ZC3H12A: variants seen among roughly 807,000 people sequenced by gnomAD.
ZC3H12A encodes endoribonuclease ZC3H12A.
ZC3H12A carries 9 observed loss-of-function variants against 29.9 expected under a neutral mutation model. The ratio of observed to expected loss-of-function variants is 0.30; its 90% CI spans 0.18 to 0.53. The LOEUF (loss-of-function observed/expected upper bound fraction) is 0.53. ZC3H12A is among the 20% of genes least tolerant of loss of function. ZC3H12A has a pLI of 0.96. For synonymous variants in ZC3H12A, 323 were observed against 338.1 expected, an observed-to-expected ratio of 0.96 and a Z score of 0.49; for missense variants, 617 against 799.0, an observed-to-expected ratio of 0.77 and a Z score of 2.75.
rs1401149132 is a variant in ZC3H12A, at chr1:37,483,860, G to A, written c.*249G>A. 1 of 492,482 alleles carries A rather than the reference G, an allele frequency of 2.0e-6. No individual in the cohort carries two copies. Among genetic ancestry groups the A allele is most frequent in the African/African-American group, 1.9e-5 (1 of 52,394 alleles). The allele number at this position is 492,482 out of a possible 1,614,324, so 30.5% of individuals were successfully genotyped here. ...CCCTGTTGATACACATTGTATCTCT[G>A]TAGTTTAAGGAGACGCTGCCGGTAA... On this transcript the variant is annotated 3_prime_UTR_variant, in exon 6 of 6. Transcript: ENST00000373087.
At position 37,483,733 on chromosome 1, in the gene ZC3H12A, A is replaced by G. The variant is rs1344136063; in HGVS notation, c.*122A>G. Reference sequence around the variant, plus strand: ...ACCCCAGAGGCTGGACAGAGGGAGGATTCAAGTCGGGAAGGAAACCCACAA... The same window carrying G: ...ACCCCAGAGGCTGGACAGAGGGAGGGTTCAAGTCGGGAAGGAAACCCACAA... On this transcript the variant is annotated 3_prime_UTR_variant, in exon 6 of 6. Coordinates refer to ENST00000373087, the MANE Select transcript of ZC3H12A (RefSeq NM_025079.3). 3 of 1,319,308 alleles carry G rather than the reference A, an allele frequency of 2.3e-6. No homozygotes were observed. 81.7% of individuals were successfully genotyped at this position (1,319,308 alleles called of 1,614,324 possible).
At chr1:37,474,956 G>T (rs1347650171) in intron 1 of ZC3H12A, among the ~76,000 whole-genome samples, 2 of 152,220 alleles carry the variant, frequency 1.3e-5, no homozygotes, top group Non-Finnish European at 2.9e-5. Flanking sequence ...CTCCCCACGG[G>T]TCACCCCAGA....
Position 37,478,803 on chromosome 1 carries a change from T to C in ZC3H12A, c.444-1487T>C, listed in dbSNP as rs1641642608. ...TTGCTGATGATTCAGTGTTAGACAC[T>C]TATAACAGGGCCTGGTTCACAGCTC... On this transcript the variant is annotated intron_variant, in intron 2 of 5. Coordinates refer to ENST00000373087, the MANE Select transcript of ZC3H12A (RefSeq NM_025079.3). This position sits in a 1 kb window ranked among gnomAD's most constrained non-coding sequence, Gnocchi z 5.2. The C allele has an allele frequency of 1.0e-6, 1 of 979,924 alleles. No individual in the cohort carries two copies. The highest frequency in any genetic ancestry group is 1.2e-6 in the Non-Finnish European group (1 of 825,028). 60.7% of individuals were successfully genotyped at this position (979,924 alleles called of 1,614,324 possible). A position where few individuals can be genotyped will look rare whatever the true frequency, so the allele number is the denominator to read the frequency against.
rs546833182 is a variant in ZC3H12A, at chr1:37,479,777, C to T, written c.444-513C>T. ...CTGGTTTCTCCTCGGTCAGCCCAGC[C>T]GGTGCTTCCCCCGCCCCCACCCACG... On this transcript the variant is annotated intron_variant, in intron 2 of 5. Transcript: ENST00000373087. This position sits in a 1 kb window ranked among gnomAD's most constrained non-coding sequence, Gnocchi z 4.5. The T allele has an allele frequency of 1.5e-5, 15 of 985,424 alleles. No individual in the cohort carries two copies. In the Admixed American group the frequency reaches 2.5e-4, roughly 16 times the overall value. The allele number at this position is 985,424 out of a possible 1,614,324, so 61.0% of individuals were successfully genotyped here.
At chr1:37,482,599 T>C (rs970171088) in intron 5 of ZC3H12A, 59 bp downstream of exon 5, 10 of 1,609,468 alleles carry the variant, frequency 6.2e-6, no homozygotes, top group Admixed American at 5.0e-5. Context: ...CTCTCACCTG[T>C]CTGCCTGTGC....
At position 37,475,180 on chromosome 1, in the gene ZC3H12A, G is replaced by T. The variant is rs183999551; in HGVS notation, c.-38-279G>T. Among the ~76,000 whole-genome samples, 3 of 152,206 alleles carry T rather than the reference G, an allele frequency of 2.0e-5. No individual in the cohort carries two copies. Among genetic ancestry groups the T allele is most frequent in the South Asian group, 4.1e-4 (2 of 4,828 alleles). On this transcript the variant is annotated intron_variant, in intron 1 of 5. Transcript: ENST00000373087. The surrounding 1 kb of genome is among the most constrained non-coding windows in gnomAD (Gnocchi z 5.2). ...GTGGGGGTTCGAGGCTTTACAGCTG[G>T]GGTAGTTCCAGTCTTAGTTCAGACT...
At position 37,482,701 on chromosome 1, in the gene ZC3H12A, G is replaced by A. The variant is rs534719043; in HGVS notation, c.926-36G>A. 3.9e-5 allele frequency: 63 copies of A among 1,612,594 alleles called. 1 individual carries two copies. The South Asian group carries it at 5.7e-4, about 15-fold the overall frequency. On this transcript the variant is annotated intron_variant, in intron 5 of 5. Coordinates refer to ENST00000373087, the MANE Select transcript of ZC3H12A (RefSeq NM_025079.3). The stretch of plus-strand genomic sequence containing the variant: ...CTGCTCTCATCCCTGGTTCTGAAGT[G>A]CCCCTGCTTAGAGTCCCTCTTGATT...
In ZC3H12A at chr1:37,483,036, G is replaced by C. The variant is rs201031728; in HGVS notation, c.1225G>C (p.Gly409Arg). The C allele has an allele frequency of 3.1e-6, 5 of 1,606,990 alleles. No homozygotes were observed. The highest frequency in any genetic ancestry group is 4.2e-6 in the Non-Finnish European group (5 of 1,177,020). Residue 409 changes from glycine to arginine, a missense_variant, in exon 6 of 6, where the codon GGG (glycine) becomes CGG (arginine). Around this residue, in one of 5 missense-constraint regions of ZC3H12A, gnomAD observed 115 missense variants for 112.5 expected, o/e 1.02. Transcript: ENST00000373087. ...APSGRSLAPS[G>R]GSGSSFGPTD... ...ATCAGGCAGGAGCCTCGCACCTAGC[G>C]GGGGCAGTGGCAGCAGCTTTGGGCC...
chr1:37,483,228 C>A lies in ZC3H12A; in HGVS notation c.1417C>A (p.Pro473Thr). The A allele has an allele frequency of 6.2e-7, 1 of 1,613,804 alleles. No homozygotes were observed. Among genetic ancestry groups the A allele is most frequent in the Non-Finnish European group, 8.5e-7 (1 of 1,179,934 alleles). The change falls in exon 6 of 6, where the codon CCC (proline) becomes ACC (threonine). Residue 473 changes from proline to threonine, a missense_variant. Around this residue, in one of 5 missense-constraint regions of ZC3H12A, gnomAD observed 172 missense variants for 203.1 expected, o/e 0.85. Coordinates refer to ENST00000373087, the MANE Select transcript of ZC3H12A (RefSeq NM_025079.3). Reference protein sequence around the residue: ...PPRAPYTGYSPYGSELPATAA... With the variant: ...PPRAPYTGYSTYGSELPATAA... ...CCGAGCCCCTTACACGGGCTACAGT[C>A]CCTATGGATCTGAGCTCCCAGCCAC...
Position 37,482,507 on chromosome 1 carries a change from A to G in ZC3H12A, c.892A>G (p.Thr298Ala). ...CAACTTCCTGCGTAAGAAGCCACTC[A>G]CTTTGGAGCACAGGAAGCAGCCGTG... ...LDNFLRKKPL[T>A]LEHRKQPCPY... Residue 298 changes from threonine to alanine, a missense_variant, in exon 5 of 6, where the codon ACT (threonine) becomes GCT (alanine). Transcript: ENST00000373087. 1 of 1,613,850 alleles carries G rather than the reference A, an allele frequency of 6.2e-7. No individual in the cohort carries two copies. The highest frequency in any genetic ancestry group is 8.5e-7 in the Non-Finnish European group (1 of 1,179,946).
At position 37,479,019 on chromosome 1, in the gene ZC3H12A, T is replaced by C; in HGVS notation, c.444-1271T>C. On this transcript the variant is annotated intron_variant, in intron 2 of 5. Coordinates refer to ENST00000373087, the MANE Select transcript of ZC3H12A (RefSeq NM_025079.3). This position sits in a 1 kb window ranked among gnomAD's most constrained non-coding sequence, Gnocchi z 4.5. ...CCCCACCTCCCTCCCTAGCTTCTCT[T>C]AGGGCTCCAGCTATCACCCCTTACC... 1 of 985,212 alleles carries C rather than the reference T, an allele frequency of 1.0e-6. No homozygotes were observed. The highest frequency in any genetic ancestry group is 4.7e-5 in the South Asian group (1 of 21,268). 61.0% of individuals were successfully genotyped at this position (985,212 alleles called of 1,614,324 possible). A position where few individuals can be genotyped will look rare whatever the true frequency, so the allele number is the denominator to read the frequency against.
Position 37,483,365 on chromosome 1 carries a change from A to G in ZC3H12A, c.1554A>G (p.Pro518=). The part of the protein sequence containing the change: ...AFPPREYWSE[P]YPLPPPTSVL... ...CACCTCGAGAGTACTGGTCTGAACC[A>G]TACCCACTGCCCCCACCCACATCAG... The change falls in exon 6 of 6, where the codon CCA becomes CCG. Residue 518 remains proline, a synonymous_variant. Coordinates refer to ENST00000373087, the MANE Select transcript of ZC3H12A (RefSeq NM_025079.3). The G allele has an allele frequency of 1.2e-6, 2 of 1,614,054 alleles. No homozygotes were observed. Among genetic ancestry groups the G allele is most frequent in the Non-Finnish European group, 1.7e-6 (2 of 1,179,984 alleles).
At chr1:37,477,478 CGGCCACCCCCCCTCCCCAG>C (rs1557593019) in intron 2 of ZC3H12A, among the ~76,000 whole-genome samples, 1 of 152,120 alleles carries the variant, frequency 6.6e-6, no homozygotes, top group Non-Finnish European at 1.5e-5. Flanking sequence ...GGTTCCTGCC[CGGCCACCCCCCCTCCCCAG>C]GGGCAGGCGG....
intron 5 of ZC3H12A, 53 bp from the exon 6 acceptor site, chr1:37,482,684 A>C: frequency 6.2e-7 from 1 of 1,611,920 alleles, no homozygotes; most frequent in Non-Finnish European, 8.5e-7. Context: ...CCCTGCTCTC[A>C]TCCCTGGTTC....
chr1:37,483,243 C>A lies in ZC3H12A; in HGVS notation c.1432C>A (p.Leu478Ile), dbSNP rs748650057. 1 of 1,613,916 alleles carries A rather than the reference C, an allele frequency of 6.2e-7. No individual in the cohort carries two copies. Among genetic ancestry groups the A allele is most frequent in the Non-Finnish European group, 8.5e-7 (1 of 1,179,978 alleles). ...GGGCTACAGTCCCTATGGATCTGAG[C>A]TCCCAGCCACCGCAGCCTTCTCTGC... ...YTGYSPYGSE[L>I]PATAAFSAFG... Residue 478 changes from leucine (L) to isoleucine (I), a missense_variant, in exon 6 of 6, where the codon CTC (leucine) becomes ATC (isoleucine). Around this residue, in one of 5 missense-constraint regions of ZC3H12A, gnomAD observed 172 missense variants for 203.1 expected, o/e 0.85. Coordinates refer to ENST00000373087, the MANE Select transcript of ZC3H12A (RefSeq NM_025079.3).
intron 3 of ZC3H12A, 89 bp downstream of exon 3, chr1:37,480,518 C>A: frequency 6.8e-7 from 1 of 1,468,972 alleles, no homozygotes; most frequent in Non-Finnish European, 9.1e-7. Flanking sequence ...TGACCTACAA[C>A]TTCTAGAACT....
chr1:37,482,188 C>T (rs777042345), intron 4 of ZC3H12A, among the ~76,000 whole-genome samples: 18 of 152,188 alleles, frequency 1.2e-4, no homozygotes, highest in Non-Finnish European at 2.1e-4. Context: ...TGCCATCCCC[C>T]GACGACCTCA....
rs770500354 is a variant in ZC3H12A at position 37,475,783 on chromosome 1, G to A, written c.287G>A (p.Arg96His). 5.6e-6 allele frequency: 9 copies of A among 1,613,108 alleles called. No individual in the cohort carries two copies. Among genetic ancestry groups the A allele is most frequent in the African/African-American group, 1.3e-5 (1 of 74,904 alleles). The change falls in exon 2 of 6, where the codon CGC becomes CAC. Residue 96 changes from arginine (R) to histidine (H), a missense_variant. Arg to His is a conservative substitution (Grantham distance 29). Coordinates refer to ENST00000373087, the MANE Select transcript of ZC3H12A (RefSeq NM_025079.3). The surrounding 1 kb of genome is among the most constrained non-coding windows in gnomAD (Gnocchi z 5.2). Reference sequence around the variant, plus strand: ...CACGGGACAGCCACCGAGCGGGAGCGCCAGACCTCACCGGACCCCTGCCCT... The same window carrying A: ...CACGGGACAGCCACCGAGCGGGAGCACCAGACCTCACCGGACCCCTGCCCT... ...VKHGTATERE[R>H]QTSPDPCPQL...
chr1:37,477,105 G>T (rs1443742057), intron 2 of ZC3H12A, among the ~76,000 whole-genome samples: 2 of 152,200 alleles, frequency 1.3e-5, no homozygotes, highest in East Asian at 3.9e-4. Context: ...AGCCTGGATG[G>T]GAGGCTGAGA....
Sources: allele counts gnomAD v4.1 joint callset (sites outside exome capture counted in the v4.1 genomes callset), GRCh38; gene constraint gnomAD v4.1.1; regional missense constraint gnomAD v4.1.1; non-coding constraint Gnocchi (gnomAD v3.1); transcripts MANE v1.5; gene names NCBI Gene and HGNC (gene_info 2026-07-23, HGNC 2026-07-21).